Variants in ERICH6B observed in about 807,000 individuals in gnomAD.
ERICH6B encodes the protein glutamate rich 6B.
In ERICH6B, 69 loss-of-function variants were observed where a neutral mutation model predicts 80.0. The observed-to-expected ratio is 0.86, with a 90% CI of 0.71 to 1.05. The LOEUF (loss-of-function observed/expected upper bound fraction) is 1.05, where lower values mean the gene tolerates loss of function less well. Among genes scored for constraint, ERICH6B ranks in the 50% least tolerant of loss-of-function variants. The probability of loss-of-function intolerance (pLI) is 0.00; values close to 1 mark genes in which losing one functional copy is unlikely to be tolerated. For synonymous variants in ERICH6B, 283 were observed against 291.9 expected, an observed-to-expected ratio of 0.97 and a Z score of 0.31; for missense variants, 754 against 796.1, an observed-to-expected ratio of 0.95 and a Z score of 0.64.
In ERICH6B at chr13:45,596,966, G is replaced by A. The variant is rs1876423152; in HGVS notation, c.40C>T (p.Pro14Ser). 2.6e-6 allele frequency: 4 copies of A among 1,551,350 alleles called. No individual in the cohort carries two copies. The highest frequency in any genetic ancestry group is 2.4e-5 in the South Asian group (2 of 84,012). Residue 14 changes from proline (P) to serine (S), a missense_variant, in exon 3 of 15, where the codon CCT becomes TCT. By Grantham distance (74) the Pro-to-Ser change is moderately conservative. Coordinates refer to ENST00000298738, the MANE Select transcript of ERICH6B (RefSeq NM_182542.3). ...TATTGGGGAGTTGTGGGAGGGTGAG[G>A]AGGTGATGCTCCTGATAACTGATTA... is the stretch of plus-strand genomic sequence containing the variant. ...ENNQLSGASP[P>S]HPPTTPQYST... is the part of the protein sequence containing the mutation.
At chr13:45,563,576 C>A (rs1297198975) in intron 10 of ERICH6B, 151 bp downstream of exon 10, 8 of 727,456 alleles carry the variant, frequency 1.1e-5, no homozygotes, top group Non-Finnish European at 1.9e-5. Flanking sequence ...GGTATTTCAT[C>A]CCTGGCAGCC....
At chr13:45,541,877 C>T (rs1873793812) in intron 14 of ERICH6B, among the ~76,000 whole-genome samples, 197 bp from the exon 15 acceptor site, 1 of 152,360 alleles carries the variant, frequency 6.6e-6, no homozygotes, top group Non-Finnish European at 1.5e-5. Context: ...GTGTTGCAGT[C>T]AGGTGGACCA....
intron 7 of ERICH6B, among the ~76,000 whole-genome samples, chr13:45,577,942 G>A (rs1446564906): frequency 6.6e-6 from 1 of 152,206 alleles, no homozygotes; most frequent in Non-Finnish European, 1.5e-5. Context: ...TGGGATAAAT[G>A]AGCTGTGTGT....
intron 2 of ERICH6B, among the ~76,000 whole-genome samples, chr13:45,597,378 A>C (rs1349689192): frequency 6.6e-6 from 1 of 152,230 alleles, no homozygotes; most frequent in African/African-American, 2.4e-5. Context: ...TTTTTCCTTA[A>C]GTATTTATTA....
At chr13:45,578,361 T>C (rs1875511042) in intron 7 of ERICH6B, among the ~76,000 whole-genome samples, 2 of 152,256 alleles carry the variant, frequency 1.3e-5, no homozygotes, top group African/African-American at 4.8e-5. Context: ...CCCAAGCTCT[T>C]TCTCCTCCTG....
At chr13:45,567,176 T>C (rs979775370) in intron 9 of ERICH6B, among the ~76,000 whole-genome samples, 1 of 152,244 alleles carries the variant, frequency 6.6e-6, no homozygotes, top group African/African-American at 2.4e-5. Context: ...ACGCCCACTG[T>C]ATCTAGGAAG....
intron 11 of ERICH6B, chr13:45,553,185 T>A: frequency 4.3e-6 from 1 of 231,730 alleles, no homozygotes; most frequent in Middle Eastern, 1.1e-3. Context: ...ATGAGTTTCC[T>A]TTCTGTTCTG....
At chr13:45,567,954 C>T (rs961618755) in intron 9 of ERICH6B, among the ~76,000 whole-genome samples, 5 of 152,216 alleles carry the variant, frequency 3.3e-5, no homozygotes, top group African/African-American at 1.2e-4. Context: ...TCCTTAAGTG[C>T]CAGGGGTCTG....
At position 45,596,672 on chromosome 13, in the gene ERICH6B, C is replaced by G; in HGVS notation, c.334G>C (p.Glu112Gln). ...GYLEEEEYIE[E>Q]EEYLGKEGYL... ...CCTTCCTTCCCCAGATACTCTTCCT[C>G]TTCAATATACTCTTCCTCCTCCAGA... The change falls in exon 3 of 15, where the codon GAG becomes CAG. Residue 112 changes from glutamate (E) to glutamine (Q), a missense_variant. Transcript: ENST00000298738. 1 of 1,551,826 alleles carries G rather than the reference C, an allele frequency of 6.4e-7. No individual in the cohort carries two copies. Among genetic ancestry groups the G allele is most frequent in the Non-Finnish European group, 8.7e-7 (1 of 1,146,908 alleles).
intron 10 of ERICH6B, 137 bp downstream of exon 10, chr13:45,563,590 A>T: frequency 1.3e-6 from 1 of 791,872 alleles, no homozygotes; most frequent in Non-Finnish European, 2.1e-6. Flanking sequence ...GGCAGCCAGG[A>T]CCACATCAGC....
chr13:45,591,370 G>A (rs530980986), intron 3 of ERICH6B, among the ~76,000 whole-genome samples: 2 of 152,328 alleles, frequency 1.3e-5, no homozygotes, highest in Non-Finnish European at 2.9e-5. Context: ...GCTGAGGCGG[G>A]CGGATCACAA....
intron 9 of ERICH6B, 93 bp from the exon 10 acceptor site, chr13:45,563,881 G>A (rs1874803431): frequency 1.8e-6 from 2 of 1,088,766 alleles, no homozygotes; most frequent in Non-Finnish European, 2.7e-6. Context: ...AGCCTGCAGA[G>A]TCTCTTTCGC....
intron 1 of ERICH6B, among the ~76,000 whole-genome samples, chr13:45,608,065 A>T (rs1208623424): frequency 6.6e-6 from 1 of 152,134 alleles, no homozygotes; most frequent in African/African-American, 2.4e-5. Context: ...AAAATCAAGC[A>T]CCACCCCAAA....
chr13:45,568,414 A>G lies in ERICH6B; in HGVS notation c.1088T>C (p.Ile363Thr), dbSNP rs778733144. The change falls in exon 9 of 15, where the codon ATA (isoleucine) becomes ACA (threonine). Residue 363 changes from isoleucine to threonine, a missense_variant. Physicochemically the swap from Ile to Thr is moderately conservative, Grantham distance 89. Transcript: ENST00000298738. ...ATTGTGAGCAGCCATTTCTTTGATT[A>G]TTGTTTTAAATACTGTCTGATAGGA... ...NSSYQTVFKTIIKEMAAHNEL... is the reference protein window; with the variant it reads ...NSSYQTVFKTTIKEMAAHNEL... The G allele has an allele frequency of 3.9e-6, 6 of 1,550,048 alleles. No homozygotes were observed. Among genetic ancestry groups the G allele is most frequent in the South Asian group, 3.6e-5 (3 of 83,586 alleles).
At chr13:45,575,358 G>A (rs1367818513) in intron 7 of ERICH6B, among the ~76,000 whole-genome samples, 2 of 152,176 alleles carry the variant, frequency 1.3e-5, no homozygotes, top group African/African-American at 4.8e-5. Flanking sequence ...CATGGCAGGG[G>A]GAACCCTATG....
intron 7 of ERICH6B, among the ~76,000 whole-genome samples, chr13:45,575,466 C>T (rs74861488): frequency 2.0e-5 from 3 of 151,894 alleles, no homozygotes; most frequent in Non-Finnish European, 4.4e-5. Context: ...TAGGTGGGCA[C>T]GTGGTGGGCG....
intron 10 of ERICH6B, among the ~76,000 whole-genome samples, chr13:45,562,294 G>C (rs116903649): frequency 1.3e-5 from 2 of 152,272 alleles, no homozygotes; most frequent in East Asian, 3.9e-4. Flanking sequence ...CGTCTCAGCT[G>C]CCCAAAGTGT....
intron 1 of ERICH6B, among the ~76,000 whole-genome samples, chr13:45,612,941 A>G (rs968455087): frequency 6.6e-6 from 1 of 152,212 alleles, no homozygotes; most frequent in Admixed American, 6.5e-5. Flanking sequence ...TTCCCAGGTC[A>G]CGTAGAGGCC....
At chr13:45,542,090 C>T (rs1252847703) in intron 14 of ERICH6B, among the ~76,000 whole-genome samples, 3 of 152,144 alleles carry the variant, frequency 2.0e-5, no homozygotes, top group Non-Finnish European at 4.4e-5. Flanking sequence ...CCACCTTGGG[C>T]TCCTTGGGAG....
Sources: gnomAD v4.1 joint callset for allele counts (sites outside exome capture counted in the v4.1 genomes callset) on GRCh38, gnomAD v4.1.1 for gene constraint, MANE v1.5 for transcripts, NCBI Gene and HGNC (gene_info 2026-07-23, HGNC 2026-07-21) for gene names.